The following DENND5A variants were observed in gnomAD, a reference collection of about 807,000 sequenced individuals.
The protein encoded by DENND5A is DENN domain containing 5A.
DENND5A carries 64 observed loss-of-function variants against 140.3 expected under a neutral mutation model. The ratio of observed to expected loss-of-function variants is 0.46; its 90% CI spans 0.37 to 0.56. The LOEUF (loss-of-function observed/expected upper bound fraction) is 0.56, where lower values mean the gene tolerates loss of function less well. Ranked by LOEUF, DENND5A falls within the 20% of genes least tolerant of loss-of-function variation. The pLI, the probability that DENND5A is intolerant of heterozygous loss-of-function variation, is 0.00. For synonymous variants in DENND5A, 605 were observed against 607.7 expected (o/e 1.00, Z 0.07); for missense variants, 1,292 against 1,593.8 (o/e 0.81, Z 3.22).
At position 9,204,110 on chromosome 11, in the gene DENND5A, G is replaced by A. The variant is rs1026355587; in HGVS notation, c.499C>T (p.Pro167Ser). 1 of 1,614,186 alleles carries A rather than the reference G, an allele frequency of 6.2e-7. No homozygotes were observed. The highest frequency in any genetic ancestry group is 8.5e-7 in the Non-Finnish European group (1 of 1,180,040). The change falls in exon 4 of 23, where the codon CCC (proline) becomes TCC (serine). Residue 167 changes from proline (P) to serine (S), a missense_variant. Physicochemically the swap from Pro to Ser is moderately conservative, Grantham distance 74. Coordinates refer to ENST00000328194, the MANE Select transcript of DENND5A (RefSeq NM_015213.4). ...HNAEYDVLHA[P>S]PADDRDQSSM... ...CTCTGGTCTCTGTCATCAGCAGGGG[G>A]AGCATGTAGGACATCATACTCAGCA...
intron 1 of DENND5A, among the ~76,000 whole-genome samples, chr11:9,212,661 G>A (rs984033900): frequency 6.6e-6 from 1 of 151,936 alleles, no homozygotes; most frequent in Non-Finnish European, 1.5e-5. Context: ...ATAAAAATCT[G>A]TCAAACCCAG....
At position 9,169,932 on chromosome 11, in the gene DENND5A, G is replaced by T; in HGVS notation, c.2075C>A (p.Ala692Asp). ...PASNKWTKRN[A>D]PAQWRRKDRQ... ...ATCTTTCCGCCTCCACTGGGCAGGGGCATTCCTTTTCGTCCACCTAACACA... is the reference window on the plus strand; with the variant it reads ...ATCTTTCCGCCTCCACTGGGCAGGGTCATTCCTTTTCGTCCACCTAACACA... The change falls in exon 10 of 23, where the codon GCC (alanine) becomes GAC (aspartate). Residue 692 changes from alanine (A) to aspartate (D), a missense_variant. By Grantham distance (126) the Ala-to-Asp change is moderately radical. Around this residue, in one of 4 missense-constraint regions of DENND5A, gnomAD observed 199 missense variants for 189.1 expected, o/e 1.05. Transcript: ENST00000328194. The T allele has an allele frequency of 2.5e-6, 4 of 1,613,168 alleles. No individual in the cohort carries two copies. Among genetic ancestry groups the T allele is most frequent in the East Asian group, 2.2e-5 (1 of 44,878 alleles).
intron 16 of DENND5A, 118 bp from the exon 17 acceptor site, chr11:9,145,933 A>C: frequency 6.5e-5 from 71 of 1,099,160 alleles, no homozygotes; most frequent in Non-Finnish European, 7.5e-5. Context: ...ATCTCAGCTC[A>C]AGCAGAGCCC....
At chr11:9,246,441 T>C (rs965483723) in intron 1 of DENND5A, among the ~76,000 whole-genome samples, 1 of 151,704 alleles carries the variant, frequency 6.6e-6, no homozygotes, top group Non-Finnish European at 1.5e-5. Flanking sequence ...TGAAATCCCA[T>C]CTCTACTAAA....
In DENND5A at chr11:9,151,089, G is replaced by A. The variant is rs1367488157; in HGVS notation, c.2522-325C>T. 2.8e-4 allele frequency among the ~76,000 whole-genome samples: 43 copies of A among 152,152 alleles called. 1 individual carries two copies. The highest frequency in any genetic ancestry group is 1.5e-5 in the Non-Finnish European group (1 of 68,032). ...GTCACCAAGCAGCAAAGTCAGTACT[G>A]GAACACAGACCTCCTGGCTCCTAGT... On this transcript the variant is annotated intron_variant, in intron 13 of 22. Transcript: ENST00000328194.
At chr11:9,199,201 A>T (rs902513027) in intron 4 of DENND5A, among the ~76,000 whole-genome samples, 1 of 151,716 alleles carries the variant, frequency 6.6e-6, no homozygotes. Flanking sequence ...TGTTCTGCAT[A>T]TAATTTTTAA....
At chr11:9,161,696 C>T (rs1379593100) in intron 11 of DENND5A, among the ~76,000 whole-genome samples, 2 of 152,104 alleles carry the variant, frequency 1.3e-5, no homozygotes, top group African/African-American at 2.4e-5. Flanking sequence ...TTATTAAGTA[C>T]TATGTCAGGC....
intron 11 of DENND5A, among the ~76,000 whole-genome samples, chr11:9,163,504 A>C (rs1848062112): frequency 6.6e-6 from 1 of 152,120 alleles, no homozygotes; most frequent in Admixed American, 6.6e-5. Context: ...TCATGACTTA[A>C]GAATTTTGAC....
intron 4 of DENND5A, among the ~76,000 whole-genome samples, chr11:9,197,311 A>T (rs11042220): frequency 0.28 from 41,208 of 149,064 alleles, 5,928 homozygotes; most frequent in African/African-American, 0.3. Context: ...TCTCAAAAAA[A>T]ATATATATAT....
Position 9,194,870 on chromosome 11 carries a change from C to A in DENND5A, c.950-1189G>T, listed in dbSNP as rs565949297. 9.9e-5 allele frequency among the ~76,000 whole-genome samples: 15 copies of A among 151,260 alleles called. 1 individual carries two copies. The East Asian group carries it at 3.0e-3, about 30-fold the overall frequency. Reference sequence around the variant, plus strand: ...GAGTAGCTGGGATTACAGGTGCCCACCACCGCACCTGGCTAATTTTGTGTT... The same window carrying A: ...GAGTAGCTGGGATTACAGGTGCCCAACACCGCACCTGGCTAATTTTGTGTT... On this transcript the variant is annotated intron_variant, in intron 4 of 22. Coordinates refer to ENST00000328194, the MANE Select transcript of DENND5A (RefSeq NM_015213.4).
intron 5 of DENND5A, among the ~76,000 whole-genome samples, chr11:9,184,150 A>G (rs1292751330): frequency 6.6e-6 from 1 of 152,118 alleles, no homozygotes; most frequent in Non-Finnish European, 1.5e-5. Flanking sequence ...CAGGAGATAG[A>G]GACCATCCTA....
intron 9 of DENND5A, chr11:9,170,239 C>G: frequency 2.0e-6 from 2 of 979,144 alleles, no homozygotes; most frequent in African/African-American, 3.5e-5. Context: ...TTGATACAGT[C>G]ATCTTCAAAA....
At chr11:9,150,838 A>C in intron 13 of DENND5A, 74 bp from the exon 14 acceptor site, 1 of 867,766 alleles carries the variant, frequency 1.2e-6, no homozygotes, top group South Asian at 1.6e-5. Flanking sequence ...CCTTACCTTA[A>C]ATCACAAATT....
At chr11:9,207,348 A>G (rs1849724867) in intron 2 of DENND5A, 1 of 538,326 alleles carries the variant, frequency 1.9e-6, no homozygotes, top group East Asian at 3.2e-5. Flanking sequence ...TCCCCCTCCT[A>G]AAAACACTAA....
chr11:9,186,680 T>C (rs1001199157), intron 5 of DENND5A, among the ~76,000 whole-genome samples: 2 of 152,346 alleles, frequency 1.3e-5, no homozygotes, highest in Non-Finnish European at 2.9e-5. Context: ...AATATGCCCA[T>C]GCACATTTCA....
intron 11 of DENND5A, among the ~76,000 whole-genome samples, chr11:9,164,071 T>TG (rs1336260999): frequency 9.5e-5 from 13 of 136,148 alleles, no homozygotes; most frequent in Middle Eastern, 3.6e-3. Context: ...TTTTTTTTTT[T>TG]TTTTTTTTTT....
intron 1 of DENND5A, among the ~76,000 whole-genome samples, chr11:9,213,945 T>A (rs1849984609): frequency 6.6e-6 from 1 of 152,110 alleles, no homozygotes; most frequent in South Asian, 2.1e-4. Context: ...TATCTGTAGA[T>A]CATCTGCAGC....
At chr11:9,189,748 C>A (rs1026687344) in intron 5 of DENND5A, among the ~76,000 whole-genome samples, 3 of 152,056 alleles carry the variant, frequency 2.0e-5, no homozygotes, top group African/African-American at 7.2e-5. Flanking sequence ...TCAAGCAATT[C>A]TCCTGCCTCA....
chr11:9,180,698 T>C (rs1848697209), intron 6 of DENND5A, 69 bp downstream of exon 6: 1 of 1,484,560 alleles, frequency 6.7e-7, no homozygotes, highest in Admixed American at 2.0e-5. Flanking sequence ...TCTCATCCCA[T>C]ACCTTACTTC....
Sources: gnomAD v4.1 joint callset for allele counts (sites outside exome capture counted in the v4.1 genomes callset) on GRCh38, gnomAD v4.1.1 for gene constraint, gnomAD v4.1.1 regional missense constraint, MANE v1.5 for transcripts, NCBI Gene and HGNC (gene_info 2026-07-23, HGNC 2026-07-21) for gene names.